PCDHGA4: variants seen among roughly 807,000 people sequenced by gnomAD.
The protein encoded by PCDHGA4 is protocadherin gamma-A4.
PCDHGA4 carries 38 observed loss-of-function variants against 54.6 expected under a neutral mutation model. The observed-to-expected ratio is 0.70, with a 90% CI of 0.54 to 0.91. The LOEUF (loss-of-function observed/expected upper bound fraction) is 0.91, where lower values mean the gene tolerates loss of function less well. Ranked by LOEUF, PCDHGA4 falls within the 40% of genes least tolerant of loss-of-function variation. The probability of loss-of-function intolerance (pLI) is 0.00; values close to 1 mark genes in which losing one functional copy is unlikely to be tolerated. For synonymous variants in PCDHGA4, 511 were observed against 512.9 expected, an observed-to-expected ratio of 1.00 and a Z score of 0.05; for missense variants, 1,298 against 1,220.9, an observed-to-expected ratio of 1.06 and a Z score of -0.94.
intron 1 of PCDHGA4, chr5:141,372,188 G>C: frequency 6.2e-7 from 1 of 1,613,564 alleles, no homozygotes; most frequent in Non-Finnish European, 8.5e-7. Context: ...ACGCAGACTC[G>C]GGATACAACG....
chr5:141,438,754 T>C (rs1213047429), intron 1 of PCDHGA4, among the ~76,000 whole-genome samples: 3 of 148,368 alleles, frequency 2.0e-5, no homozygotes, highest in African/African-American at 5.0e-5. Context: ...CTCTGCCTCC[T>C]GGGTTCAAGC....
Position 141,431,953 on chromosome 5 carries a change from C to G in PCDHGA4, c.2515-62854C>G. 1.2e-6 allele frequency: 2 copies of G among 1,614,082 alleles called. No individual in the cohort carries two copies. Among genetic ancestry groups the G allele is most frequent in the East Asian group, 4.5e-5 (2 of 44,886 alleles). ...TGCCCTTTAAATTAGAAAAATCTTA[C>G]GGAAATTACTATAGTTTAGTCACAG... On this transcript the variant is annotated intron_variant, in intron 1 of 3. Transcript: ENST00000571252. The surrounding 1 kb of genome is among the most constrained non-coding windows in gnomAD (Gnocchi z 4.8).
chr5:141,415,270 G>A (rs1044469814), intron 1 of PCDHGA4: 1 of 1,614,118 alleles, frequency 6.2e-7, no homozygotes, highest in Non-Finnish European at 8.5e-7. Flanking sequence ...GTACCTGGTG[G>A]TAGCGGTGGC....
intron 1 of PCDHGA4, chr5:141,422,576 CTCCCGTTTT>C: frequency 6.2e-7 from 1 of 1,614,034 alleles, no homozygotes; most frequent in African/African-American, 1.3e-5. Context: ...AACGATAACC[CTCCCGTTTT>C]TCCTCACTCC....
intron 3 of PCDHGA4, chr5:141,507,335 T>A (rs1228652205): frequency 6.6e-6 from 1 of 151,804 alleles, no homozygotes; most frequent in Non-Finnish European, 1.5e-5. Context: ...TGCTCATTGT[T>A]TACCTGAAAT....
intron 2 of PCDHGA4, among the ~76,000 whole-genome samples, chr5:141,501,821 G>A (rs910825533): frequency 1.3e-5 from 2 of 152,028 alleles, no homozygotes; most frequent in Non-Finnish European, 2.9e-5. Context: ...ATAATTGGCA[G>A]CCCACCCACC....
At chr5:141,413,524 A>G (rs772774054) in intron 1 of PCDHGA4, 7 of 1,613,974 alleles carry the variant, frequency 4.3e-6, no homozygotes, top group Non-Finnish European at 5.9e-6. Flanking sequence ...TGTGGAAGAC[A>G]GGGTGAAACT....
intron 2 of PCDHGA4, among the ~76,000 whole-genome samples, chr5:141,503,010 A>ATT (rs199924715): frequency 4.8e-5 from 7 of 146,772 alleles, no homozygotes; most frequent in East Asian, 2.0e-4. Context: ...TGCCCGGTTA[A>ATT]TTTTTTTTTT....
rs955615446 is a variant in PCDHGA4 at position 141,420,343 on chromosome 5, ATTATT to A, written c.2514+62726_2514+62730del. Reference sequence around the variant, plus strand: ...TGCCAATATATTCCAATATAGTGGTATTATTTTAAGATTCTAGATAACTTCTTCAT... The same window carrying A: ...TGCCAATATATTCCAATATAGTGGTATTAAGATTCTAGATAACTTCTTCAT... On this transcript the variant is annotated intron_variant, in intron 1 of 3. Transcript: ENST00000571252. 8 of 1,394,426 alleles carry A rather than the reference ATTATT, an allele frequency of 5.7e-6. No homozygotes were observed. In the African/African-American group the frequency reaches 1.2e-4, roughly 20 times the overall value. 86.4% of individuals were successfully genotyped at this position (1,394,426 alleles called of 1,614,324 possible).
chr5:141,404,411 G>A, intron 1 of PCDHGA4: 1 of 1,613,854 alleles, frequency 6.2e-7, no homozygotes, highest in Non-Finnish European at 8.5e-7. Flanking sequence ...GAATTCTAGA[G>A]TTATTTACTC....
chr5:141,392,879 G>C, intron 1 of PCDHGA4: 1 of 1,613,512 alleles, frequency 6.2e-7, no homozygotes, highest in Non-Finnish European at 8.5e-7. Context: ...TGCTGGGAAC[G>C]CTGTGGGAAA....
chr5:141,384,533 A>C, intron 1 of PCDHGA4: 2 of 1,614,240 alleles, frequency 1.2e-6, no homozygotes. Flanking sequence ...CTCAGCAGCA[A>C]CATGTCACTG....
chr5:141,404,771 C>T lies in PCDHGA4; in HGVS notation c.2514+47150C>T, dbSNP rs376650362. On this transcript the variant is annotated intron_variant, in intron 1 of 3. Coordinates refer to ENST00000571252, the MANE Select transcript of PCDHGA4 (RefSeq NM_018917.4). Reference sequence around the variant, plus strand: ...AGGCCAGAATGCTTGGCTCTCCTACCGCCTATTCAAGGCCAGTGAGCCAGG... The same window carrying T: ...AGGCCAGAATGCTTGGCTCTCCTACTGCCTATTCAAGGCCAGTGAGCCAGG... The T allele has an allele frequency of 3.3e-5, 53 of 1,613,868 alleles. No homozygotes were observed. Among genetic ancestry groups the T allele is most frequent in the African/African-American group, 1.9e-4 (14 of 74,938 alleles).
At chr5:141,500,887 T>C (rs557735403) in intron 2 of PCDHGA4, among the ~76,000 whole-genome samples, 1 of 95,622 alleles carries the variant, frequency 1.0e-5, no homozygotes, top group South Asian at 2.8e-4. Context: ...ATTTTTTTTT[T>C]TTGAGACAGT....
chr5:141,480,112 C>T (rs531082602), intron 1 of PCDHGA4, among the ~76,000 whole-genome samples: 2 of 152,190 alleles, frequency 1.3e-5, no homozygotes, highest in Admixed American at 1.3e-4. Flanking sequence ...TAGCATGGTG[C>T]CTGGCATATC....
rs1354607645 is a variant in PCDHGA4, at chr5:141,433,848, A to C, written c.2515-60959A>C. Among the ~76,000 whole-genome samples, 4 of 152,082 alleles carry C rather than the reference A, an allele frequency of 2.6e-5. No individual in the cohort carries two copies. In the East Asian group the frequency reaches 5.8e-4, roughly 22 times the overall value. ...GTGAAACTCTATCTCAAAAAAAAAA[A>C]AAAAAAACTTTATCCTCTAGTTTCA... On this transcript the variant is annotated intron_variant, in intron 1 of 3. Coordinates refer to ENST00000571252, the MANE Select transcript of PCDHGA4 (RefSeq NM_018917.4).
chr5:141,374,215 C>T (rs770866531), intron 1 of PCDHGA4: 4 of 1,613,958 alleles, frequency 2.5e-6, no homozygotes, highest in South Asian at 1.1e-5. Flanking sequence ...AAGGCTCCTT[C>T]GTAGGCAACA....
chr5:141,490,380 T>A lies in PCDHGA4; in HGVS notation c.2515-4427T>A. On this transcript the variant is annotated intron_variant, in intron 1 of 3. Coordinates refer to ENST00000571252, the MANE Select transcript of PCDHGA4 (RefSeq NM_018917.4). The surrounding 1 kb of genome is among the most constrained non-coding windows in gnomAD (Gnocchi z 5.4). ...TTAATGTGCGAGACCGGGACTCAGG[T>A]AGAAATGGTGAAGTGAGCCTTGATA... 6.2e-7 allele frequency: 1 copy of A among 1,614,204 alleles called. No homozygotes were observed. The highest frequency in any genetic ancestry group is 1.7e-5 in the Admixed American group (1 of 60,026).
rs1382364867 is a variant in PCDHGA4, at chr5:141,374,132, C to A, written c.2514+16511C>A. 2.5e-6 allele frequency: 4 copies of A among 1,605,166 alleles called. No homozygotes were observed. The highest frequency in any genetic ancestry group is 3.4e-6 in the Non-Finnish European group (4 of 1,174,350). On this transcript the variant is annotated intron_variant, in intron 1 of 3. Transcript: ENST00000571252. ...GCAGCGCAGCGAGCAGGTCCTGCTC[C>A]TCACGCTCCTGGGGACGCTGTGGGG...
Sources: gnomAD v4.1 joint callset for allele counts (sites outside exome capture counted in the v4.1 genomes callset) on GRCh38, gnomAD v4.1.1 for gene constraint, Gnocchi (gnomAD v3.1) non-coding constraint, MANE v1.5 for transcripts, NCBI Gene and HGNC (gene_info 2026-07-23, HGNC 2026-07-21) for gene names.